The following SMYD3 variants were observed in gnomAD, a reference collection of about 807,000 sequenced individuals.
SMYD3 encodes SET and MYND domain containing 3.
In SMYD3, 36 loss-of-function variants were observed where a neutral mutation model predicts 57.7. That is an observed-to-expected ratio of 0.62 (90% CI 0.48 to 0.82). SMYD3 has a LOEUF of 0.82. Ranked by LOEUF, SMYD3 falls within the 40% of genes least tolerant of loss-of-function variation. SMYD3 has a pLI of 0.00. For missense variants in SMYD3, 515 were observed against 538.8 expected, an observed-to-expected ratio of 0.96 and a Z score of 0.44; for synonymous variants, 211 against 195.0, an observed-to-expected ratio of 1.08 and a Z score of -0.68.
intron 8 of SMYD3, among the ~76,000 whole-genome samples, chr1:245,865,822 T>C (rs1455385169): frequency 6.6e-6 from 1 of 152,188 alleles, no homozygotes; most frequent in Admixed American, 6.5e-5. Flanking sequence ...GTTCACTATG[T>C]CATTGCAGAA....
At chr1:246,252,619 C>A (rs868136373) in intron 5 of SMYD3, among the ~76,000 whole-genome samples, 3 of 152,156 alleles carry the variant, frequency 2.0e-5, no homozygotes, top group African/African-American at 7.2e-5. Flanking sequence ...GACTTTATTA[C>A]ATATTAACTT....
chr1:246,500,325 C>T (rs1025353453), intron 1 of SMYD3, among the ~76,000 whole-genome samples: 1 of 152,174 alleles, frequency 6.6e-6, no homozygotes, highest in Admixed American at 6.5e-5. Flanking sequence ...AATCGGCAAA[C>T]ATAAACAGTC....
intron 1 of SMYD3, among the ~76,000 whole-genome samples, chr1:246,460,297 C>T (rs988001068): frequency 1.3e-5 from 2 of 152,194 alleles, no homozygotes; most frequent in Admixed American, 1.3e-4. Context: ...CTACTGAGCA[C>T]CTGCTCTAGC....
chr1:246,379,054 G>GTA (rs2066342393), intron 1 of SMYD3, among the ~76,000 whole-genome samples: 1 of 121,982 alleles, frequency 8.2e-6, no homozygotes, highest in East Asian at 2.5e-4. Context: ...ATATTATTAA[G>GTA]TATATATATA....
chr1:246,197,953 T>A (rs893565218), intron 5 of SMYD3, among the ~76,000 whole-genome samples: 1 of 152,198 alleles, frequency 6.6e-6, no homozygotes, highest in South Asian at 2.1e-4. Context: ...TTGTTTGCCA[T>A]TGTAATTGTG....
chr1:246,346,079 T>C (rs926669564), intron 2 of SMYD3, among the ~76,000 whole-genome samples: 13 of 152,188 alleles, frequency 8.5e-5, no homozygotes, highest in Admixed American at 4.6e-4. Flanking sequence ...GGTCAGGAGA[T>C]CGAGACCATC....
chr1:245,880,432 T>C (rs1180001869), intron 8 of SMYD3, among the ~76,000 whole-genome samples: 1 of 152,212 alleles, frequency 6.6e-6, no homozygotes, highest in African/African-American at 2.4e-5. Flanking sequence ...GAATCACTCC[T>C]TGGTAGGAAT....
intron 5 of SMYD3, among the ~76,000 whole-genome samples, chr1:246,312,301 C>G (rs978458731): frequency 6.6e-6 from 1 of 151,918 alleles, no homozygotes; most frequent in African/African-American, 2.4e-5. Flanking sequence ...TTTCAATTAT[C>G]TCTAATGGCA....
intron 1 of SMYD3, 59 bp downstream of exon 1, chr1:246,506,995 C>CCCCCCCCCCCCCCCCCCACA: frequency 2.4e-6 from 2 of 825,150 alleles, no homozygotes; most frequent in Non-Finnish European, 3.2e-6. Flanking sequence ...CGACGCCCCC[C>CCCCCCCCCCCCCCCCCCACA]CCTCCCCAGC....
At position 245,929,339 on chromosome 1, in the gene SMYD3, G is replaced by A. The variant is rs138676609; in HGVS notation, c.599+531C>T. On this transcript the variant is annotated intron_variant, in intron 6 of 11. Coordinates refer to ENST00000490107, the MANE Select transcript of SMYD3 (RefSeq NM_001167740.2). ...GCATAAAAACAAAATGAAACTGGGT[G>A]TGCCTATAGTGCTTGTGGAGAGACG... is the stretch of plus-strand genomic sequence containing the variant. Among the ~76,000 whole-genome samples the A allele has an allele frequency of 3.3e-3, 500 of 152,354 alleles. 4 individuals carry two copies. The highest frequency in any genetic ancestry group is 0.011 in the African/African-American group (472 of 41,582).
At position 246,052,008 on chromosome 1, in the gene SMYD3, C is replaced by A. The variant is rs1174568338; in HGVS notation, c.532-122071G>T. Among the ~76,000 whole-genome samples, 3 of 152,304 alleles carry A rather than the reference C, an allele frequency of 2.0e-5. No individual in the cohort carries two copies. The East Asian group carries it at 5.8e-4, about 29-fold the overall frequency. ...TAAATCTAACTCATCATCTTTCTTA[C>A]AAAAAGTCCAGAGCTCTAATGAAGT... On this transcript the variant is annotated intron_variant, in intron 5 of 11. Transcript: ENST00000490107.
intron 5 of SMYD3, among the ~76,000 whole-genome samples, chr1:246,280,992 G>C (rs2064429220): frequency 6.6e-6 from 1 of 152,202 alleles, no homozygotes; most frequent in Non-Finnish European, 1.5e-5. Flanking sequence ...TTCCAAAGAA[G>C]TATCTCCTAT....
chr1:246,353,200 T>C (rs780968916), intron 2 of SMYD3, among the ~76,000 whole-genome samples: 43 of 152,304 alleles, frequency 2.8e-4, no homozygotes, highest in Admixed American at 1.6e-3. Flanking sequence ...AATAATATTA[T>C]TGTTTTGAAA....
chr1:245,784,858 T>G (rs2046973197), intron 10 of SMYD3, among the ~76,000 whole-genome samples: 1 of 149,576 alleles, frequency 6.7e-6, no homozygotes, highest in Non-Finnish European at 1.5e-5. Flanking sequence ...TTTTTTTTTT[T>G]TTTTTTTTGA....
intron 5 of SMYD3, among the ~76,000 whole-genome samples, chr1:246,197,808 A>G (rs923585972): frequency 3.3e-5 from 5 of 152,220 alleles, no homozygotes; most frequent in African/African-American, 9.6e-5. Context: ...CTGGGTACAG[A>G]ATATATAGGG....
intron 1 of SMYD3, among the ~76,000 whole-genome samples, chr1:246,395,645 GTCA>G (rs1272126431): frequency 0.014 from 1,220 of 87,732 alleles, 5 homozygotes; most frequent in African/African-American, 0.026. Flanking sequence ...ACACACCACA[GTCA>G]GACAGGGAAG....
intron 10 of SMYD3, among the ~76,000 whole-genome samples, chr1:245,773,275 AGTGTC>A (rs776683745): frequency 6.6e-6 from 1 of 152,222 alleles, no homozygotes; most frequent in Non-Finnish European, 1.5e-5. Context: ...ATTCTGGGTG[AGTGTC>A]CTCATTAAGG....
intron 1 of SMYD3, among the ~76,000 whole-genome samples, chr1:246,397,826 T>C (rs1007375159): frequency 6.6e-6 from 1 of 151,162 alleles, no homozygotes; most frequent in African/African-American, 2.4e-5. Context: ...TGCTGACTGG[T>C]TTGGGATGAA....
intron 5 of SMYD3, among the ~76,000 whole-genome samples, chr1:245,980,183 A>C (rs2058561334): frequency 1.3e-5 from 2 of 152,258 alleles, no homozygotes; most frequent in African/African-American, 4.8e-5. Flanking sequence ...CACAGGCTGC[A>C]GCACTGGATT....
Sources: gnomAD v4.1 joint callset for allele counts (sites outside exome capture counted in the v4.1 genomes callset) on GRCh38, gnomAD v4.1.1 for gene constraint, MANE v1.5 for transcripts, NCBI Gene and HGNC (gene_info 2026-07-23, HGNC 2026-07-21) for gene names.